RERG: variants seen among roughly 807,000 people sequenced by gnomAD.
RERG encodes the protein RAS like estrogen regulated growth inhibitor.
RERG carries 25 observed loss-of-function variants against 23.2 expected under a neutral mutation model. The ratio of observed to expected loss-of-function variants is 1.08; its 90% CI spans 0.79 to 1.50. The LOEUF (loss-of-function observed/expected upper bound fraction) is 1.50, where lower values mean the gene tolerates loss of function less well. RERG is among the 40% of genes most tolerant of loss of function. RERG has a pLI of 0.00. For missense variants in RERG, 253 were observed against 250.1 expected (o/e 1.01, Z -0.08); for synonymous variants, 81 against 89.1 (o/e 0.91, Z 0.51).
chr12:15,111,746 C>T (rs1863622422), intron 3 of RERG, among the ~76,000 whole-genome samples: 1 of 147,602 alleles, frequency 6.8e-6, no homozygotes, highest in Non-Finnish European at 1.5e-5. Flanking sequence ...TGCAGTGGTG[C>T]AATATCAGCT....
chr12:15,121,211 C>A (rs995719348), intron 2 of RERG, 92 bp from the exon 3 acceptor site: 4 of 856,094 alleles, frequency 4.7e-6, no homozygotes, highest in Non-Finnish European at 5.7e-6. Flanking sequence ...CTCCACACAA[C>A]CCTATAAATG....
chr12:15,211,917 G>C (rs1190383577), intron 2 of RERG, among the ~76,000 whole-genome samples: 1 of 152,062 alleles, frequency 6.6e-6, no homozygotes, highest in Admixed American at 6.6e-5. Context: ...CAAGGAGGTA[G>C]AAACTGAGAT....
At chr12:15,143,611 C>T (rs1171072062) in intron 2 of RERG, among the ~76,000 whole-genome samples, 5 of 152,132 alleles carry the variant, frequency 3.3e-5, no homozygotes, top group Admixed American at 2.0e-4. Context: ...TGAGCAGCTA[C>T]AATGTGGCAG....
chr12:15,121,459 G>T (rs1863830731), intron 2 of RERG, among the ~76,000 whole-genome samples: 1 of 152,086 alleles, frequency 6.6e-6, no homozygotes, highest in African/African-American at 2.4e-5. Flanking sequence ...GATATAAAAG[G>T]TCAAAATACA....
chr12:15,195,955 G>A (rs1203461380), intron 2 of RERG, among the ~76,000 whole-genome samples: 5 of 152,100 alleles, frequency 3.3e-5, no homozygotes, highest in African/African-American at 4.8e-5. Flanking sequence ...ACAAACATAC[G>A]TGGAAGGGAC....
intron 2 of RERG, among the ~76,000 whole-genome samples, chr12:15,208,646 A>C (rs1865325625): frequency 6.6e-6 from 1 of 152,200 alleles, no homozygotes; most frequent in Non-Finnish European, 1.5e-5. Flanking sequence ...TCTAGAACTC[A>C]AAATTGGTGC....
At chr12:15,148,021 C>G (rs1414616873) in intron 2 of RERG, among the ~76,000 whole-genome samples, 1 of 152,084 alleles carries the variant, frequency 6.6e-6, no homozygotes, top group Non-Finnish European at 1.5e-5. Flanking sequence ...ATTTGCAGAC[C>G]TAGATTTTAA....
At chr12:15,179,170 A>T (rs546704605) in intron 2 of RERG, among the ~76,000 whole-genome samples, 20 of 152,332 alleles carry the variant, frequency 1.3e-4, no homozygotes, top group African/African-American at 4.6e-4. Context: ...AGAGGTGCTG[A>T]TAAGAGTGGC....
chr12:15,149,065 T>C (rs1224600906), intron 2 of RERG, among the ~76,000 whole-genome samples: 1 of 151,692 alleles, frequency 6.6e-6, no homozygotes, highest in Non-Finnish European at 1.5e-5. Flanking sequence ...GAGACGGGGT[T>C]TCACTGTATT....
chr12:15,159,902 GA>G (rs1478346163), intron 2 of RERG, among the ~76,000 whole-genome samples: 1 of 152,140 alleles, frequency 6.6e-6, no homozygotes, highest in Non-Finnish European at 1.5e-5. Context: ...CCAAACAATG[GA>G]AAAGGGTGAG....
intron 2 of RERG, among the ~76,000 whole-genome samples, chr12:15,162,205 T>G (rs1864625633): frequency 6.6e-6 from 1 of 152,244 alleles, no homozygotes; most frequent in Non-Finnish European, 1.5e-5. Context: ...GACCTAAATC[T>G]CATTGCTGAA....
chr12:15,133,284 G>A (rs1171607577), intron 2 of RERG, among the ~76,000 whole-genome samples: 2 of 151,040 alleles, frequency 1.3e-5, no homozygotes, highest in Non-Finnish European at 2.9e-5. Context: ...ATCTCTGATC[G>A]TTTTACTGTC....
intron 2 of RERG, among the ~76,000 whole-genome samples, chr12:15,179,193 A>C (rs1010156228): frequency 4.6e-5 from 7 of 152,200 alleles, no homozygotes; most frequent in African/African-American, 1.7e-4. Flanking sequence ...CTTCTCAGCT[A>C]TCTGAGGATG....
At chr12:15,199,242 C>T (rs565547315) in intron 2 of RERG, among the ~76,000 whole-genome samples, 4 of 152,120 alleles carry the variant, frequency 2.6e-5, no homozygotes, top group Non-Finnish European at 4.4e-5. Flanking sequence ...ACGTGAGGTA[C>T]TCTTTTTCAA....
chr12:15,193,180 T>C (rs1259196596), intron 2 of RERG, among the ~76,000 whole-genome samples: 1 of 152,196 alleles, frequency 6.6e-6, no homozygotes, highest in Non-Finnish European at 1.5e-5. Context: ...TTCTATAATT[T>C]GTTAATTGGA....
chr12:15,207,397 A>G (rs1331197202), intron 2 of RERG, among the ~76,000 whole-genome samples: 1 of 152,140 alleles, frequency 6.6e-6, no homozygotes, highest in Non-Finnish European at 1.5e-5. Context: ...TTGCTCAGGT[A>G]CAGATTTGGG....
chr12:15,211,927 T>C (rs1865370916), intron 2 of RERG, among the ~76,000 whole-genome samples: 1 of 151,924 alleles, frequency 6.6e-6, no homozygotes, highest in Non-Finnish European at 1.5e-5. Flanking sequence ...GAAACTGAGA[T>C]ACAGGGTTGT....
intron 2 of RERG, among the ~76,000 whole-genome samples, chr12:15,162,386 A>G (rs1237941092): frequency 6.6e-6 from 1 of 152,248 alleles, no homozygotes; most frequent in African/African-American, 2.4e-5. Flanking sequence ...AGGACTGGGG[A>G]GAGCTTGGGC....
intron 3 of RERG, among the ~76,000 whole-genome samples, chr12:15,119,291 G>A (rs1278396303): frequency 6.6e-6 from 1 of 151,088 alleles, no homozygotes; most frequent in Admixed American, 6.6e-5. Context: ...ATTAATAGCA[G>A]TTTTTTTTTC....
Sources: gnomAD v4.1 joint callset for allele counts (sites outside exome capture counted in the v4.1 genomes callset) on GRCh38, gnomAD v4.1.1 for gene constraint, MANE v1.5 for transcripts, NCBI Gene and HGNC (gene_info 2026-07-23, HGNC 2026-07-21) for gene names.